The following RYR1 variants were observed in gnomAD, a reference collection of about 807,000 sequenced individuals.
RYR1 encodes central core disease of muscle.
Under a neutral mutation model 583.5 loss-of-function variants are expected in RYR1, and 342 were observed. The ratio of observed to expected loss-of-function variants is 0.59; its 90% CI spans 0.54 to 0.64. The LOEUF is 0.64. RYR1 is among the 30% of genes least tolerant of loss of function. The pLI, the probability that RYR1 is intolerant of heterozygous loss-of-function variation, is 0.00. For synonymous variants in RYR1, 2,791 were observed against 2,822.5 expected (o/e 0.99, Z 0.35); for missense variants, 6,032 against 6,917.2 (o/e 0.87, Z 4.54).
At chr19:38,571,953 G>A (rs1180709568) in intron 94 of RYR1, 66 bp from the exon 95 acceptor site, 2 of 1,611,134 alleles carry the variant, frequency 1.2e-6, no homozygotes, top group Non-Finnish European at 1.7e-6. Flanking sequence ...CGGGAATGGA[G>A]GCTCAATTTT....
rs201292282 is a variant in RYR1, at chr19:38,448,413, G to A, written c.859G>A (p.Gly287Arg). 53 of 1,612,970 alleles carry A rather than the reference G, an allele frequency of 3.3e-5. No homozygotes were observed. The highest frequency in any genetic ancestry group is 4.0e-5 in the African/African-American group (3 of 74,902). Residue 287 changes from glycine (G) to arginine (R), a missense_variant, in exon 10 of 106, where the codon GGG becomes AGG. By Grantham distance (125) the Gly-to-Arg change is moderately radical. This residue lies in a region of RYR1 where 338 missense variants were observed against 441.6 expected (regional missense o/e 0.77). Coordinates refer to ENST00000359596, the MANE Select transcript of RYR1 (RefSeq NM_000540.3). Reference protein sequence around the residue: ...QPLRVRHVTTGQYLALTEDQG... With the variant: ...QPLRVRHVTTRQYLALTEDQG... ...ACTCCGAGTCCGGCATGTCACTACC[G>A]GGCAGTACCTAGCGCTCACCGAGGA...
intron 11 of RYR1, among the ~76,000 whole-genome samples, chr19:38,450,773 C>CAATAAATAAATAAATAAATAAATA (rs373753347): frequency 5.9e-4 from 88 of 150,232 alleles, no homozygotes; most frequent in African/African-American, 2.0e-3. Flanking sequence ...AACGTGGAAA[C>CAATAAATAAATAAATAAATAAATA]AATAAATAAA....
At position 38,512,453 on chromosome 19, in the gene RYR1, G is replaced by T; in HGVS notation, c.9442G>T (p.Ala3148Ser). The stretch of plus-strand genomic sequence containing the variant: ...CCTCACCACCCTCTTCCAGCACATC[G>T]CCCAGCACCAGTTCGGAGATGACGT... ...PVLTTLFQHI[A>S]QHQFGDDVIL... Residue 3148 changes from alanine (A) to serine (S), a missense_variant, in exon 63 of 106, where the codon GCC becomes TCC. Physicochemically the swap from Ala to Ser is moderately conservative, Grantham distance 99. Around this residue, in one of 11 missense-constraint regions of RYR1, gnomAD observed 1,493 missense variants for 1,715.5 expected, o/e 0.87. Transcript: ENST00000359596. This position sits in a 1 kb window ranked among gnomAD's most constrained non-coding sequence, Gnocchi z 5.1. 1.2e-6 allele frequency: 2 copies of T among 1,613,082 alleles called. No homozygotes were observed. The highest frequency in any genetic ancestry group is 1.7e-6 in the Non-Finnish European group (2 of 1,180,038).
chr19:38,458,982 C>G (rs1339172046), intron 18 of RYR1, among the ~76,000 whole-genome samples, 164 bp from the exon 19 acceptor site: 1 of 152,210 alleles, frequency 6.6e-6, no homozygotes, highest in Non-Finnish European at 1.5e-5. Flanking sequence ...ACCCTGACCT[C>G]TGCCCTTCAT....
intron 66 of RYR1, among the ~76,000 whole-genome samples, chr19:38,518,160 T>A: frequency 6.9e-6 from 1 of 145,292 alleles, no homozygotes; most frequent in Non-Finnish European, 1.5e-5. Context: ...GAAGGAAGGA[T>A]GGAGTGAGAG....
In RYR1 at chr19:38,460,606, G is replaced by C. The variant is rs900088118; in HGVS notation, c.2577+15G>C. On this transcript the variant is annotated intron_variant, in intron 20 of 105. Coordinates refer to ENST00000359596, the MANE Select transcript of RYR1 (RefSeq NM_000540.3). ...ACACTGTCCAGGTACTGCCTGCCCT[G>C]CAAAGGTTTTCTGGCGAGGCAGGGT... is the stretch of plus-strand genomic sequence containing the variant. 6.2e-7 allele frequency: 1 copy of C among 1,606,220 alleles called. No homozygotes were observed. Among genetic ancestry groups the C allele is most frequent in the Admixed American group, 1.7e-5 (1 of 60,024 alleles).
intron 38 of RYR1, among the ~76,000 whole-genome samples, chr19:38,493,234 G>A (rs537998211): frequency 6.6e-6 from 1 of 152,108 alleles, no homozygotes; most frequent in Non-Finnish European, 1.5e-5. Context: ...GTGGCCTTGG[G>A]GCTTCTCTTT....
chr19:38,455,965 ATGT>A (rs374046898), intron 16 of RYR1, among the ~76,000 whole-genome samples: 1 of 132,048 alleles, frequency 7.6e-6, no homozygotes, highest in Non-Finnish European at 1.6e-5. Flanking sequence ...GATCTCTGAA[ATGT>A]TTTTTTTTTT....
intron 88 of RYR1, among the ~76,000 whole-genome samples, chr19:38,547,900 A>G (rs2145789144): frequency 6.6e-6 from 1 of 152,058 alleles, no homozygotes; most frequent in South Asian, 2.1e-4. Context: ...TTTAATAGAG[A>G]CGGGGTTTCA....
In RYR1 at chr19:38,543,487, A is replaced by T; in HGVS notation, c.11779-45A>T. On this transcript the variant is annotated intron_variant, in intron 85 of 105. Coordinates refer to ENST00000359596, the MANE Select transcript of RYR1 (RefSeq NM_000540.3). This position sits in a 1 kb window ranked among gnomAD's most constrained non-coding sequence, Gnocchi z 4.4. Reference sequence around the variant, plus strand: ...GACTTGGGTCGGGGGCTGCAGGGCCATGGTCGGCCCCAGCACCCCCTCACA... The same window carrying T: ...GACTTGGGTCGGGGGCTGCAGGGCCTTGGTCGGCCCCAGCACCCCCTCACA... 2 of 1,614,164 alleles carry T rather than the reference A, an allele frequency of 1.2e-6. No individual in the cohort carries two copies. Among genetic ancestry groups the T allele is most frequent in the South Asian group, 2.2e-5 (2 of 91,086 alleles).
At chr19:38,580,344 C>T in intron 100 of RYR1, 26 bp from the exon 101 acceptor site, 1 of 1,613,360 alleles carries the variant, frequency 6.2e-7, no homozygotes, top group African/African-American at 1.3e-5. Context: ...CAGGGCGGAG[C>T]TGACCTGGCC....
Position 38,561,144 on chromosome 19 carries a change from C to G in RYR1, c.12314C>G (p.Pro4105Arg), listed in dbSNP as rs1309530680. 1.2e-6 allele frequency: 2 copies of G among 1,614,006 alleles called. No homozygotes were observed. The highest frequency in any genetic ancestry group is 2.7e-5 in the African/African-American group (2 of 74,908). Residue 4105 changes from proline (P) to arginine (R), a missense_variant, in exon 90 of 106, where the codon CCA becomes CGA. Physicochemically the swap from Pro to Arg is moderately radical, Grantham distance 103. Around this residue, in one of 11 missense-constraint regions of RYR1, gnomAD observed 753 missense variants for 759.6 expected, o/e 0.99. Coordinates refer to ENST00000359596, the MANE Select transcript of RYR1 (RefSeq NM_000540.3). The surrounding 1 kb of genome is among the most constrained non-coding windows in gnomAD (Gnocchi z 4.8). ...AMDSQKQFSG[P>R]EIQFLLSCSE... ...GACAGCCAGAAGCAGTTCAGCGGTC[C>G]AGAAATCCAGTTCCTGCTTTCGTGC...
At chr19:38,536,368 G>A (rs937123264) in intron 82 of RYR1, among the ~76,000 whole-genome samples, 8 of 141,882 alleles carry the variant, frequency 5.6e-5, no homozygotes, top group South Asian at 2.3e-4. Context: ...CAAATGTCAC[G>A]CCCTGGTTGC....
chr19:38,467,973 T>C, intron 25 of RYR1, 161 bp downstream of exon 25: 1 of 638,894 alleles, frequency 1.6e-6, no homozygotes, highest in Non-Finnish European at 2.8e-6. Context: ...CAATGATTCA[T>C]CCATCCATCC....
At position 38,458,102 on chromosome 19, in the gene RYR1, C is replaced by A; in HGVS notation, c.1977C>A (p.Ser659Arg). The A allele has an allele frequency of 6.2e-7, 1 of 1,613,976 alleles. No individual in the cohort carries two copies. Among genetic ancestry groups the A allele is most frequent in the Non-Finnish European group, 8.5e-7 (1 of 1,180,020 alleles). ...GAGCGGAAGGCACCACGCAGTACAGCAAATGGTACTTTGAGGTGATGGTGG... is the reference window on the plus strand; with the variant it reads ...GAGCGGAAGGCACCACGCAGTACAGAAAATGGTACTTTGAGGTGATGGTGG... ...VGRAEGTTQY[S>R]KWYFEVMVDE... is the part of the protein sequence containing the mutation. Residue 659 changes from serine to arginine, a missense_variant, in exon 18 of 106, where the codon AGC becomes AGA. Coordinates refer to ENST00000359596, the MANE Select transcript of RYR1 (RefSeq NM_000540.3).
chr19:38,446,243 C>T, intron 7 of RYR1, among the ~76,000 whole-genome samples: 1 of 152,156 alleles, frequency 6.6e-6, no homozygotes, highest in Non-Finnish European at 1.5e-5. Context: ...TCTGCAGACC[C>T]AGACCCCCCA....
At chr19:38,493,678 C>A (rs1342252696) in intron 38 of RYR1, among the ~76,000 whole-genome samples, 4 of 152,102 alleles carry the variant, frequency 2.6e-5, no homozygotes, top group Non-Finnish European at 2.9e-5. Flanking sequence ...CAGCACCATG[C>A]CTGGCTAATT....
chr19:38,478,956 C>T (rs1968881777), intron 31 of RYR1, among the ~76,000 whole-genome samples: 1 of 152,106 alleles, frequency 6.6e-6, no homozygotes, highest in Admixed American at 6.6e-5. Context: ...TTAGTAGAGA[C>T]GAGGTTTCAC....
intron 58 of RYR1, among the ~76,000 whole-genome samples, chr19:38,508,372 C>T (rs1160066219): frequency 6.6e-6 from 1 of 152,058 alleles, no homozygotes; most frequent in Non-Finnish European, 1.5e-5. Context: ...CCGCCACACC[C>T]AGCTAATTTT....
Sources: allele counts gnomAD v4.1 joint callset (sites outside exome capture counted in the v4.1 genomes callset), GRCh38; gene constraint gnomAD v4.1.1; regional missense constraint gnomAD v4.1.1; non-coding constraint Gnocchi (gnomAD v3.1); transcripts MANE v1.5; gene names NCBI Gene and HGNC (gene_info 2026-07-23, HGNC 2026-07-21).